CHODL: variants seen among roughly 807,000 people sequenced by gnomAD.
CHODL encodes transmembrane protein MT75.
Under a neutral mutation model 34.5 loss-of-function variants are expected in CHODL, and 29 were observed. That is an observed-to-expected ratio of 0.84 (90% CI 0.63 to 1.15). CHODL has a LOEUF of 1.15. Among genes scored for constraint, CHODL ranks in the 50% most tolerant of loss-of-function variants. CHODL has a pLI of 0.00. For missense variants in CHODL, 332 were observed against 332.5 expected, an observed-to-expected ratio of 1.00 and a Z score of 0.01; for synonymous variants, 125 against 116.1, an observed-to-expected ratio of 1.08 and a Z score of -0.49.
intron 2 of CHODL, among the ~76,000 whole-genome samples, chr21:18,121,454 T>C (rs555603235): frequency 1.3e-5 from 2 of 152,328 alleles, no homozygotes; most frequent in African/African-American, 4.8e-5. Flanking sequence ...AGCCAACTGG[T>C]CACTTGACAT....
At position 17,922,208 on chromosome 21, in the gene CHODL, TAA is replaced by T. The variant is rs551083583; in HGVS notation, c.-145+4820_-145+4821del. On this transcript the variant is annotated intron_variant, in intron 1 of 6. Coordinates refer to the CHODL transcript ENST00000400127. ...CCAAGTGGGCCACTGCTTATGGCTC[TAA>T]AAAAAAAAAAACACTGTACCTCAGA... Among the ~76,000 whole-genome samples, 1,195 of 141,026 alleles carry T rather than the reference TAA, an allele frequency of 8.5e-3. 17 individuals are homozygous for T. The highest frequency in any genetic ancestry group is 0.028 in the African/African-American group (1,105 of 38,842). 92.5% of individuals were successfully genotyped at this position (141,026 alleles called of 152,430 possible).
intron 2 of CHODL, among the ~76,000 whole-genome samples, chr21:18,155,736 C>T (rs183200604): frequency 2.0e-5 from 3 of 152,086 alleles, no homozygotes; most frequent in Non-Finnish European, 4.4e-5. Context: ...AAGGCAGTCA[C>T]GGAAACAATA....
intron 2 of CHODL, among the ~76,000 whole-genome samples, chr21:18,067,894 C>T (rs892306744): frequency 2.6e-5 from 4 of 152,150 alleles, no homozygotes; most frequent in Non-Finnish European, 5.9e-5. Context: ...TTGTATTTCT[C>T]CATGCCCAAA....
chr21:17,948,687 C>A (rs960886692), intron 1 of CHODL, among the ~76,000 whole-genome samples: 2 of 152,040 alleles, frequency 1.3e-5, no homozygotes, highest in Non-Finnish European at 2.9e-5. Context: ...CACATACAAT[C>A]TATCAAGACT....
intron 2 of CHODL, among the ~76,000 whole-genome samples, chr21:18,068,901 A>G (rs769305428): frequency 2.4e-4 from 36 of 152,044 alleles, no homozygotes; most frequent in Non-Finnish European, 4.3e-4. Flanking sequence ...CTCCTGGGTA[A>G]GAGACAAAGA....
intron 1 of CHODL, among the ~76,000 whole-genome samples, chr21:18,017,356 C>T (rs992709899): frequency 6.6e-6 from 1 of 152,168 alleles, no homozygotes; most frequent in African/African-American, 2.4e-5. Flanking sequence ...GGAGTTTTCA[C>T]ATTGGTTGTT....
At chr21:18,186,095 A>G (rs1487789441) in intron 2 of CHODL, among the ~76,000 whole-genome samples, 1 of 152,164 alleles carries the variant, frequency 6.6e-6, no homozygotes, top group Non-Finnish European at 1.5e-5. Context: ...AAAGGTTGAC[A>G]CAACATCCAT....
At chr21:18,212,297 T>A (rs1421607991) in intron 2 of CHODL, among the ~76,000 whole-genome samples, 3 of 152,064 alleles carry the variant, frequency 2.0e-5, no homozygotes, top group Non-Finnish European at 4.4e-5. Context: ...CTCTCAGAAA[T>A]CAATAGATCA....
intron 2 of CHODL, among the ~76,000 whole-genome samples, chr21:18,094,609 G>A (rs576386433): frequency 4.6e-5 from 7 of 151,700 alleles, no homozygotes; most frequent in African/African-American, 1.7e-4. Context: ...ATAACCAGGG[G>A]GTCAATGAAT....
Position 18,214,776 on chromosome 21 carries a change from T to A in CHODL, c.-44-41733T>A, listed in dbSNP as rs2073807537. Among the ~76,000 whole-genome samples, 3 of 152,064 alleles carry A rather than the reference T, an allele frequency of 2.0e-5. 1 individual carries two copies. The highest frequency in any genetic ancestry group is 2.0e-4 in the Admixed American group (3 of 15,244). On this transcript the variant is annotated intron_variant, in intron 2 of 6. Transcript: ENST00000400127. The stretch of plus-strand genomic sequence containing the variant: ...AGGGCCAACTTAGTACAGAGAACAT[T>A]TGAACTGAGCCAGAATCACTTAGGC...
chr21:18,074,361 C>G (rs1180589675), intron 2 of CHODL, among the ~76,000 whole-genome samples: 1 of 152,146 alleles, frequency 6.6e-6, no homozygotes, highest in African/African-American at 2.4e-5. Flanking sequence ...ATGGGGCACT[C>G]TAAGAATTTC....
chr21:18,138,075 A>G (rs1415086371), intron 2 of CHODL, among the ~76,000 whole-genome samples: 2 of 152,144 alleles, frequency 1.3e-5, no homozygotes, highest in African/African-American at 4.8e-5. Flanking sequence ...TGCCCTTCCT[A>G]TGAAACAGCA....
intron 1 of CHODL, among the ~76,000 whole-genome samples, chr21:17,983,288 T>C (rs2063728900): frequency 6.6e-6 from 1 of 152,216 alleles, no homozygotes; most frequent in Non-Finnish European, 1.5e-5. Flanking sequence ...AACGTCCCTA[T>C]TTTTAGAGCA....
chr21:17,966,875 T>C (rs1158829249), intron 1 of CHODL, among the ~76,000 whole-genome samples: 1 of 150,790 alleles, frequency 6.6e-6, no homozygotes, highest in African/African-American at 2.4e-5. Flanking sequence ...AAGAGTGATA[T>C]GATTATTTTC....
chr21:18,197,586 A>C (rs1396177006), intron 2 of CHODL, among the ~76,000 whole-genome samples: 1 of 152,216 alleles, frequency 6.6e-6, no homozygotes, highest in South Asian at 2.1e-4. Context: ...ACTGCACTCA[A>C]CCTGGGTGAT....
chr21:18,209,465 C>T (rs966019656), intron 2 of CHODL, among the ~76,000 whole-genome samples: 1 of 152,150 alleles, frequency 6.6e-6, no homozygotes, highest in Non-Finnish European at 1.5e-5. Flanking sequence ...AATGCTATCC[C>T]AGAGCCAAGG....
chr21:18,159,578 G>A (rs537284245), intron 2 of CHODL, among the ~76,000 whole-genome samples: 4 of 152,234 alleles, frequency 2.6e-5, no homozygotes, highest in South Asian at 4.2e-4. Context: ...CTACATTTGC[G>A]GATTGTGTTT....
At chr21:18,141,906 T>C (rs2072808296) in intron 2 of CHODL, among the ~76,000 whole-genome samples, 1 of 152,020 alleles carries the variant, frequency 6.6e-6, no homozygotes, top group African/African-American at 2.4e-5. Context: ...GCCCAGGTAT[T>C]ATTGATTACT....
In CHODL at chr21:18,041,436, A is replaced by AT. The variant is rs373307102; in HGVS notation, c.-45+13474dup. Among the ~76,000 whole-genome samples the AT allele has an allele frequency of 3.2e-3, 482 of 151,204 alleles. 2 individuals are homozygous for AT. Among genetic ancestry groups the AT allele is most frequent in the Middle Eastern group, 0.024 (7 of 292 alleles). The stretch of plus-strand genomic sequence containing the variant: ...GCAAAACATTCAACAAACAATAGCT[A>AT]TTTTTTTTTAAATGAAAGCCATTTT... On this transcript the variant is annotated intron_variant, in intron 2 of 6. Transcript: ENST00000400127.
Sources: gnomAD v4.1 joint callset for allele counts (sites outside exome capture counted in the v4.1 genomes callset) on GRCh38, gnomAD v4.1.1 for gene constraint, MANE v1.5 for transcripts, NCBI Gene and HGNC (gene_info 2026-07-23, HGNC 2026-07-21) for gene names.